SCN11A: variants seen among roughly 807,000 people sequenced by gnomAD.
SCN11A encodes the protein sodium channel protein type 11 subunit alpha.
In SCN11A, 122 loss-of-function variants were observed where a neutral mutation model predicts 162.2. That is an observed-to-expected ratio of 0.75 (90% CI 0.65 to 0.87). SCN11A has a LOEUF of 0.87. Among genes scored for constraint, SCN11A ranks in the 40% least tolerant of loss-of-function variants. SCN11A has a pLI of 0.00. For synonymous variants in SCN11A, 758 were observed against 751.5 expected, an observed-to-expected ratio of 1.01 and a Z score of -0.14; for missense variants, 2,015 against 2,181.6, an observed-to-expected ratio of 0.92 and a Z score of 1.52.
intron 9 of SCN11A, among the ~76,000 whole-genome samples, chr3:38,924,073 G>T (rs1355035431): frequency 1.3e-5 from 2 of 152,144 alleles, no homozygotes; most frequent in Admixed American, 1.3e-4. Context: ...ATCCAGAGAG[G>T]TGGAAGCCGG....
intron 28 of SCN11A, among the ~76,000 whole-genome samples, chr3:38,851,085 G>T (rs2064771812): frequency 6.6e-6 from 1 of 152,146 alleles, no homozygotes; most frequent in Non-Finnish European, 1.5e-5. Context: ...GTGCATGTTG[G>T]ATTTAATAAT....
rs1453695310 is a variant in SCN11A at position 38,847,537 on chromosome 3, A to G, written c.4533T>C (p.Tyr1511=). Residue 1511 remains tyrosine, a synonymous_variant, in exon 30 of 30, where the codon TAT becomes TAC. Coordinates refer to ENST00000302328, the MANE Select transcript of SCN11A (RefSeq NM_001349253.2). The stretch of plus-strand genomic sequence containing the variant: ...AAAACCAGTTCATACCCAGAATGGC[A>G]TAGATAAACATAATCAGAAAGAGTA... ...GLLLFLIMFI[Y]AILGMNWFSK... is the part of the protein sequence containing the mutation. The G allele has an allele frequency of 1.2e-6, 2 of 1,614,050 alleles. No homozygotes were observed. Among genetic ancestry groups the G allele is most frequent in the Non-Finnish European group, 1.7e-6 (2 of 1,180,002 alleles).
At chr3:38,999,602 T>C (rs2030746445) in intron 2 of SCN11A, among the ~76,000 whole-genome samples, 1 of 152,220 alleles carries the variant, frequency 6.6e-6, no homozygotes, top group Admixed American at 6.5e-5. Flanking sequence ...TCAGTCCTCC[T>C]CCATTGCTTT....
At chr3:39,042,976 A>AG (rs1421568725) in intron 1 of SCN11A, among the ~76,000 whole-genome samples, 2 of 139,464 alleles carry the variant, frequency 1.4e-5, no homozygotes, top group Non-Finnish European at 3.2e-5. Flanking sequence ...AAAAAAAAAA[A>AG]AAAGAAAAAG....
intron 2 of SCN11A, among the ~76,000 whole-genome samples, chr3:38,999,052 T>TATA (rs1175290467): frequency 1.3e-5 from 2 of 152,020 alleles, no homozygotes; most frequent in Non-Finnish European, 2.9e-5. Flanking sequence ...AAACTTAAAG[T>TATA]ATAATAATAA....
intron 2 of SCN11A, among the ~76,000 whole-genome samples, chr3:38,971,159 GTT>G (rs554242537): frequency 0.011 from 1,660 of 146,248 alleles, 36 homozygotes; most frequent in African/African-American, 0.04. Flanking sequence ...TCTTTTTCTT[GTT>G]TTTTTTTTTA....
intron 24 of SCN11A, 29 bp from the exon 25 acceptor site, chr3:38,871,737 T>A (rs1430127233): frequency 6.4e-6 from 10 of 1,555,396 alleles, no homozygotes; most frequent in African/African-American, 5.5e-5. Flanking sequence ...AAGAAAACCA[T>A]AACAGATGGG....
In SCN11A at chr3:38,894,758, T is replaced by C; in HGVS notation, c.2610A>G (p.Ala870=). The part of the protein sequence containing the change: ...KQNLPQQKEV[A]GGCAAQSKDI... ...CTTTGCTTTGTGCAGCACAGCCTCC[T>C]GCCACCTCTTTTTGCTGTGGTAAGT... The change falls in exon 19 of 30, where the codon GCA becomes GCG. Residue 870 remains alanine (A), a synonymous_variant. Transcript: ENST00000302328. 6.2e-7 allele frequency: 1 copy of C among 1,614,222 alleles called. No homozygotes were observed. The highest frequency in any genetic ancestry group is 8.5e-7 in the Non-Finnish European group (1 of 1,180,032).
Position 38,871,744 on chromosome 3 carries a change from T to TA in SCN11A, c.3496-37_3496-36insT, listed in dbSNP as rs556478435. ...CAAAAGCAAAGAAAACCATAACAGA[T>TA]GGGTAGGATGCACCAGGCTCTTCAA... On this transcript the variant is annotated intron_variant, in intron 24 of 29. Transcript: ENST00000302328. 1.4e-4 allele frequency: 222 copies of TA among 1,537,918 alleles called. 1 individual carries two copies. The African/African-American group carries it at 2.8e-3, about 20-fold the overall frequency.
chr3:38,964,299 G>A (rs541367563), intron 2 of SCN11A, among the ~76,000 whole-genome samples: 1 of 152,276 alleles, frequency 6.6e-6, no homozygotes, highest in African/African-American at 2.4e-5. Flanking sequence ...CAGTGGCCAG[G>A]TAAGGTGCAT....
chr3:38,945,269 A>G lies in SCN11A; in HGVS notation c.488+142T>C, dbSNP rs923236281. ...GTTCATTACAAATTGTAAAAAAATA[A>G]AGGTCAAAAATAAAACTGATTCTGC... On this transcript the variant is annotated intron_variant, in intron 7 of 29. Transcript: ENST00000302328. 5 of 571,888 alleles carry G rather than the reference A, an allele frequency of 8.7e-6. No homozygotes were observed. In the Admixed American group the frequency reaches 1.6e-4, roughly 18 times the overall value. 35.4% of individuals were successfully genotyped at this position (571,888 alleles called of 1,614,324 possible). A position where few individuals can be genotyped will look rare whatever the true frequency, so the allele number is the denominator to read the frequency against.
chr3:38,949,806 G>T (rs183233713), intron 5 of SCN11A, among the ~76,000 whole-genome samples: 13 of 152,274 alleles, frequency 8.5e-5, no homozygotes, highest in Non-Finnish European at 1.9e-4. Flanking sequence ...GGGACTACTA[G>T]TCCAGTCCTC....
chr3:38,957,107 C>A (rs1046882438), intron 3 of SCN11A, among the ~76,000 whole-genome samples: 6 of 151,950 alleles, frequency 3.9e-5, no homozygotes, highest in Non-Finnish European at 8.8e-5. Context: ...GTTAGAGAGA[C>A]CCCCTACAAA....
At chr3:38,855,314 T>C (rs2064849593) in intron 28 of SCN11A, among the ~76,000 whole-genome samples, 1 of 152,126 alleles carries the variant, frequency 6.6e-6, no homozygotes, top group Non-Finnish European at 1.5e-5. Flanking sequence ...CTCTGGAACA[T>C]AACCTCATTG....
At chr3:39,008,164 A>G (rs2125601348) in intron 2 of SCN11A, among the ~76,000 whole-genome samples, 1 of 152,320 alleles carries the variant, frequency 6.6e-6, no homozygotes, top group South Asian at 2.1e-4. Context: ...AGTAATCACA[A>G]TGGCTTTTGA....
At chr3:38,965,878 G>A (rs946561163) in intron 2 of SCN11A, among the ~76,000 whole-genome samples, 1 of 152,078 alleles carries the variant, frequency 6.6e-6, no homozygotes. Flanking sequence ...ACTTCAGGAG[G>A]CTAAGGCAGG....
chr3:38,995,004 C>T (rs1435005189), intron 2 of SCN11A, among the ~76,000 whole-genome samples: 2 of 152,156 alleles, frequency 1.3e-5, no homozygotes, highest in Non-Finnish European at 2.9e-5. Flanking sequence ...CACCCTCCAC[C>T]CTCAAAGATA....
intron 1 of SCN11A, among the ~76,000 whole-genome samples, chr3:39,042,813 C>T (rs1277175335): frequency 6.6e-6 from 1 of 151,662 alleles, no homozygotes; most frequent in Middle Eastern, 3.2e-3. Context: ...CAAAATTATT[C>T]AGGCTTGGTG....
At chr3:38,988,665 A>G (rs940536037) in intron 2 of SCN11A, among the ~76,000 whole-genome samples, 1 of 152,226 alleles carries the variant, frequency 6.6e-6, no homozygotes, top group African/African-American at 2.4e-5. Context: ...AACTCCGTTC[A>G]GAGTGTTATA....
Sources: allele counts gnomAD v4.1 joint callset (sites outside exome capture counted in the v4.1 genomes callset), GRCh38; gene constraint gnomAD v4.1.1; transcripts MANE v1.5; gene names NCBI Gene and HGNC (gene_info 2026-07-23, HGNC 2026-07-21).